Variants in LRP1B observed in about 807,000 individuals in gnomAD.
The protein encoded by LRP1B is low-density lipoprotein receptor-related protein 1B.
In LRP1B, 217 loss-of-function variants were observed where a neutral mutation model predicts 556.6. That is an observed-to-expected ratio of 0.39 (90% CI 0.35 to 0.44). The LOEUF is 0.44. Among genes scored for constraint, LRP1B ranks in the 20% least tolerant of loss-of-function variants. LRP1B has a pLI of 1.00. For synonymous variants in LRP1B, 2,047 were observed against 1,865.8 expected (o/e 1.10, Z -2.50); for missense variants, 5,053 against 5,620.8 (o/e 0.90, Z 3.23).
chr2:140,678,730 G>T lies in LRP1B; in HGVS notation c.6799+21520C>A, dbSNP rs138180500. On this transcript the variant is annotated intron_variant, in intron 41 of 90. Coordinates refer to ENST00000389484, the MANE Select transcript of LRP1B (RefSeq NM_018557.3). ...CTGAAGGCTGCAAATCTAAAACCAAGGTGTTGGCAAGTGTGATTTCTTCTG... is the reference window on the plus strand; with the variant it reads ...CTGAAGGCTGCAAATCTAAAACCAATGTGTTGGCAAGTGTGATTTCTTCTG... Among the ~76,000 whole-genome samples the T allele has an allele frequency of 3.2e-3, 479 of 151,334 alleles. 3 individuals carry two copies. The highest frequency in any genetic ancestry group is 0.011 in the African/African-American group (463 of 41,240).
chr2:140,980,511 G>T (rs1263921468), intron 18 of LRP1B, among the ~76,000 whole-genome samples: 2 of 152,102 alleles, frequency 1.3e-5, no homozygotes, highest in Non-Finnish European at 2.9e-5. Flanking sequence ...CACTGCTGTT[G>T]CCTTCTTTAC....
At chr2:141,992,846 A>C (rs1462585474) in intron 1 of LRP1B, among the ~76,000 whole-genome samples, 1 of 152,126 alleles carries the variant, frequency 6.6e-6, no homozygotes, top group Non-Finnish European at 1.5e-5. Flanking sequence ...TCTAAAGACT[A>C]TAAAGTTGTT....
chr2:141,778,658 C>A (rs936131722), intron 2 of LRP1B, among the ~76,000 whole-genome samples: 5 of 152,178 alleles, frequency 3.3e-5, no homozygotes, highest in Admixed American at 6.5e-5. Flanking sequence ...TATGGTATGA[C>A]CATGAACTAC....
chr2:141,925,726 C>T (rs1700317557), intron 1 of LRP1B, among the ~76,000 whole-genome samples: 1 of 152,160 alleles, frequency 6.6e-6, no homozygotes, highest in South Asian at 2.1e-4. Flanking sequence ...ACTCATGCTG[C>T]TAATATAGAC....
At chr2:141,760,135 A>G (rs1192208384) in intron 2 of LRP1B, among the ~76,000 whole-genome samples, 2 of 152,206 alleles carry the variant, frequency 1.3e-5, no homozygotes, top group Non-Finnish European at 2.9e-5. Flanking sequence ...GAATTGTTTC[A>G]AAAACTATCA....
At chr2:140,781,958 T>C (rs1174396933) in intron 32 of LRP1B, among the ~76,000 whole-genome samples, 1 of 152,242 alleles carries the variant, frequency 6.6e-6, no homozygotes, top group Non-Finnish European at 1.5e-5. Flanking sequence ...TCCTGTCTTG[T>C]AATTCTTTAT....
At chr2:141,184,819 T>TAC (rs1304873723) in intron 7 of LRP1B, among the ~76,000 whole-genome samples, 1 of 151,908 alleles carries the variant, frequency 6.6e-6, no homozygotes, top group Non-Finnish European at 1.5e-5. Context: ...TTTCTCCTCC[T>TAC]ACACCTTACA....
intron 16 of LRP1B, among the ~76,000 whole-genome samples, chr2:140,990,935 G>A (rs188451684): frequency 2.0e-5 from 3 of 152,058 alleles, no homozygotes; most frequent in Non-Finnish European, 4.4e-5. Context: ...AGTAGCAAAT[G>A]CGTGCATTTC....
At chr2:141,258,205 G>A (rs192153442) in intron 3 of LRP1B, among the ~76,000 whole-genome samples, 37 of 152,264 alleles carry the variant, frequency 2.4e-4, no homozygotes, top group Admixed American at 1.8e-3. Flanking sequence ...AGAAGCTGTC[G>A]CTGGAAGTGG....
chr2:141,420,410 A>C (rs1418563137), intron 3 of LRP1B, among the ~76,000 whole-genome samples: 1 of 152,154 alleles, frequency 6.6e-6, no homozygotes, highest in Non-Finnish European at 1.5e-5. Context: ...GAGATTCTGG[A>C]AGCCTCTGAA....
intron 7 of LRP1B, among the ~76,000 whole-genome samples, chr2:141,146,710 T>C (rs1701792689): frequency 6.6e-6 from 1 of 152,162 alleles, no homozygotes; most frequent in South Asian, 2.1e-4. Flanking sequence ...TCCTCCACTC[T>C]CTTGGCAGCA....
chr2:141,081,024 G>T (rs1699908955), intron 7 of LRP1B, among the ~76,000 whole-genome samples: 1 of 151,998 alleles, frequency 6.6e-6, no homozygotes, highest in East Asian at 1.9e-4. Flanking sequence ...GTAGTGATGG[G>T]GTTTTGCCAT....
chr2:140,671,081 C>CTAAT, intron 41 of LRP1B, among the ~76,000 whole-genome samples: 1 of 152,164 alleles, frequency 6.6e-6, no homozygotes, highest in South Asian at 2.1e-4. Flanking sequence ...GCAGTTATAA[C>CTAAT]AAATTACCAC....
chr2:140,489,816 A>G (rs1688626466), intron 57 of LRP1B, among the ~76,000 whole-genome samples: 1 of 152,236 alleles, frequency 6.6e-6, no homozygotes, highest in Admixed American at 6.6e-5. Flanking sequence ...ATCCCCAGTC[A>G]TGGCAGAATT....
chr2:140,361,380 A>ATATATATATATATATATATAT (rs1553454115), intron 72 of LRP1B, among the ~76,000 whole-genome samples: 1 of 128,808 alleles, frequency 7.8e-6, no homozygotes, highest in Non-Finnish European at 1.7e-5. Context: ...ATATATATAT[A>ATATATATATATATATATATAT]ACAAAAATAA....
intron 29 of LRP1B, among the ~76,000 whole-genome samples, chr2:140,848,451 C>T (rs1242784199): frequency 6.6e-6 from 1 of 152,132 alleles, no homozygotes; most frequent in Admixed American, 6.6e-5. Flanking sequence ...AGCTTAAATA[C>T]AACTGTATTT....
intron 2 of LRP1B, among the ~76,000 whole-genome samples, chr2:141,555,230 TG>T (rs1685919198): frequency 6.6e-6 from 1 of 151,938 alleles, no homozygotes; most frequent in Non-Finnish European, 1.5e-5. Context: ...AACAAGGAGC[TG>T]GTGAGGCACA....
intron 46 of LRP1B, among the ~76,000 whole-genome samples, chr2:140,534,357 G>T (rs1434260812): frequency 6.6e-6 from 1 of 152,126 alleles, no homozygotes; most frequent in Non-Finnish European, 1.5e-5. Context: ...TAACTTTAGT[G>T]ATTCATTCCG....
chr2:141,096,624 GAGGGGGAGAGA>G (rs1700314942), intron 7 of LRP1B, among the ~76,000 whole-genome samples: 1 of 42,496 alleles, frequency 2.4e-5, no homozygotes, highest in African/African-American at 7.1e-5. Context: ...AAGACGGGGA[GAGGGGGAGAGA>G]GAGAGAGAGA....
Sources: allele counts gnomAD v4.1 joint callset (sites outside exome capture counted in the v4.1 genomes callset), GRCh38; gene constraint gnomAD v4.1.1; transcripts MANE v1.5; gene names NCBI Gene and HGNC (gene_info 2026-07-23, HGNC 2026-07-21).